MYO16: variants seen among roughly 807,000 people sequenced by gnomAD.
MYO16 encodes the protein myosin XVI.
A neutral mutation model predicts 205.3 loss-of-function variants in MYO16; 94 were observed. That is an observed-to-expected ratio of 0.46 (90% confidence interval 0.39 to 0.54). The LOEUF is 0.54. Among genes scored for constraint, MYO16 ranks in the 20% least tolerant of loss-of-function variants. The probability of loss-of-function intolerance (pLI) is 0.00; values close to 1 mark genes in which losing one functional copy is unlikely to be tolerated. For missense variants in MYO16, 2,315 were observed against 2,387.5 expected, an observed-to-expected ratio of 0.97 and a Z score of 0.63; for synonymous variants, 988 against 954.0, an observed-to-expected ratio of 1.04 and a Z score of -0.66.
intron 1 of MYO16, among the ~76,000 whole-genome samples, chr13:108,600,057 G>GA (rs549361476): frequency 1.4e-3 from 208 of 152,104 alleles, no homozygotes; most frequent in Non-Finnish European, 1.7e-3. Flanking sequence ...TTATTCAGCT[G>GA]AAAAAAAGTC....
chr13:108,983,602 A>G (rs1295121880), intron 20 of MYO16, among the ~76,000 whole-genome samples: 1 of 152,178 alleles, frequency 6.6e-6, no homozygotes, highest in African/African-American at 2.4e-5. Context: ...CCAAAATGCT[A>G]TGTGCCTTCG....
At position 109,098,848 on chromosome 13, in the gene MYO16, G is replaced by A. The variant is rs2163444; in HGVS notation, c.3336-1937G>A. 6.4e-3 allele frequency among the ~76,000 whole-genome samples: 967 copies of A among 152,164 alleles called. 26 individuals carry two copies. The highest frequency in any genetic ancestry group is 0.049 in the Admixed American group (741 of 15,270). Reference sequence around the variant, plus strand: ...ATACATCATAATCTGATCCAGAAACGGTTCATTGTTGTTGCATAGAATAAG... The same window carrying A: ...ATACATCATAATCTGATCCAGAAACAGTTCATTGTTGTTGCATAGAATAAG... On this transcript the variant is annotated intron_variant, in intron 27 of 34. Transcript: ENST00000457511.
chr13:108,563,786 A>G, the MYO16 span, among the ~76,000 whole-genome samples: 1 of 152,228 alleles, frequency 6.6e-6, no homozygotes. Flanking sequence ...TATTATGAGC[A>G]GTGCTATAAC....
rs1394098515 is a variant in MYO16, at chr13:108,727,422, T to G, written c.364-18T>G. On this transcript the variant is annotated intron_variant, in intron 3 of 34. Transcript: ENST00000457511. The stretch of plus-strand genomic sequence containing the variant: ...CAGTTTGTAATAATTTGATATTTCC[T>G]TGTATTCTTTCTTTTAGTGTGCTCG... 2 of 1,609,062 alleles carry G rather than the reference T, an allele frequency of 1.2e-6. No individual in the cohort carries two copies. Among genetic ancestry groups the G allele is most frequent in the East Asian group, 2.2e-5 (1 of 44,832 alleles).
At chr13:108,770,506 G>C (rs1189234866) in intron 4 of MYO16, among the ~76,000 whole-genome samples, 13 of 152,108 alleles carry the variant, frequency 8.5e-5, no homozygotes, top group Non-Finnish European at 1.9e-4. Flanking sequence ...AAAAATCTGT[G>C]AACTCCTCCT....
chr13:108,507,273 A>G, the MYO16 span, among the ~76,000 whole-genome samples: 1 of 152,130 alleles, frequency 6.6e-6, no homozygotes, highest in African/African-American at 2.4e-5. Context: ...ATTTCAACTT[A>G]AAGGGGCTCC....
chr13:108,676,744 C>A (rs534133420), intron 2 of MYO16, among the ~76,000 whole-genome samples: 3 of 152,094 alleles, frequency 2.0e-5, no homozygotes, highest in Non-Finnish European at 4.4e-5. Context: ...AGAGGAGAGG[C>A]GTGGTTTGTT....
intron 1 of MYO16, among the ~76,000 whole-genome samples, chr13:108,663,882 A>T (rs1881611314): frequency 6.6e-6 from 1 of 152,182 alleles, no homozygotes; most frequent in South Asian, 2.1e-4. Context: ...GACAAGCCAG[A>T]AAAGTCACAG....
chr13:108,627,638 T>A (rs1200234568), upstream of MYO16, among the ~76,000 whole-genome samples: 1 of 152,172 alleles, frequency 6.6e-6, no homozygotes, highest in East Asian at 1.9e-4. Context: ...TCTCACGGGG[T>A]ACCTTGGTTA....
intron 16 of MYO16, among the ~76,000 whole-genome samples, chr13:108,920,919 G>T (rs1322866767): frequency 1.3e-5 from 2 of 152,220 alleles, no homozygotes; most frequent in Non-Finnish European, 2.9e-5. Context: ...GTCACTGGAG[G>T]TGTGGCCCTC....
intron 15 of MYO16, among the ~76,000 whole-genome samples, chr13:108,900,612 C>A (rs1215194599): frequency 1.3e-5 from 2 of 152,114 alleles, no homozygotes; most frequent in Admixed American, 1.3e-4. Context: ...CAATCAATAC[C>A]CTTGTGATTT....
intron 4 of MYO16, among the ~76,000 whole-genome samples, chr13:108,731,111 T>A (rs903061117): frequency 6.6e-6 from 1 of 152,150 alleles, no homozygotes; most frequent in African/African-American, 2.4e-5. Context: ...CCTGGAAAAA[T>A]TTGATGTATA....
At chr13:108,887,955 G>A (rs1395260781) in intron 13 of MYO16, among the ~76,000 whole-genome samples, 4 of 152,172 alleles carry the variant, frequency 2.6e-5, no homozygotes, top group South Asian at 4.2e-4. Context: ...ATGCTGTCTC[G>A]GGATCGCCTC....
At chr13:108,623,197 G>T (rs530746583) in intron 1 of MYO16, among the ~76,000 whole-genome samples, 2 of 152,264 alleles carry the variant, frequency 1.3e-5, no homozygotes, top group South Asian at 2.1e-4. Flanking sequence ...AAACTGTGCA[G>T]ATAGGAGAAA....
chr13:108,941,268 A>C (rs1385528162), intron 16 of MYO16, among the ~76,000 whole-genome samples: 1 of 152,164 alleles, frequency 6.6e-6, no homozygotes, highest in Non-Finnish European at 1.5e-5. Flanking sequence ...AGGAGAGGTC[A>C]CTGGGAGTCA....
chr13:109,161,705 T>C (rs936880691), intron 32 of MYO16, among the ~76,000 whole-genome samples: 1 of 152,052 alleles, frequency 6.6e-6, no homozygotes, highest in Non-Finnish European at 1.5e-5. Flanking sequence ...TTTTAAGATT[T>C]AAAAAATTAA....
intron 2 of MYO16, among the ~76,000 whole-genome samples, chr13:108,680,765 C>A (rs944226989): frequency 2.0e-5 from 3 of 152,170 alleles, no homozygotes; most frequent in Admixed American, 6.5e-5. Flanking sequence ...CCCAGTGGAT[C>A]CAGCCTACAG....
At chr13:108,669,930 G>T (rs1474730587) in intron 2 of MYO16, among the ~76,000 whole-genome samples, 2 of 152,050 alleles carry the variant, frequency 1.3e-5, no homozygotes, top group East Asian at 3.9e-4. Context: ...TCGGGGGATG[G>T]GTGGTAACGG....
Position 108,778,668 on chromosome 13 carries a change from C to A in MYO16, c.508-6967C>A, listed in dbSNP as rs575632825. 6.6e-5 allele frequency among the ~76,000 whole-genome samples: 10 copies of A among 152,192 alleles called. No homozygotes were observed. The East Asian group carries it at 1.7e-3, about 26-fold the overall frequency. On this transcript the variant is annotated intron_variant, in intron 4 of 34. Coordinates refer to ENST00000457511, the MANE Select transcript of MYO16 (RefSeq NM_001198950.3). ...TTCACTGGAGTCTAACCAGATATTG[C>A]CATTTCAGGTCTCAGGACACTAGTC...
Sources: gnomAD v4.1 joint callset for allele counts (sites outside exome capture counted in the v4.1 genomes callset) on GRCh38, gnomAD v4.1.1 for gene constraint, MANE v1.5 for transcripts, NCBI Gene and HGNC (gene_info 2026-07-23, HGNC 2026-07-21) for gene names.